PRR3: variants seen among roughly 807,000 people sequenced by gnomAD.
PRR3 encodes proline-rich protein 3.
PRR3 carries 16 observed loss-of-function variants against 22.4 expected under a neutral mutation model. The observed-to-expected ratio is 0.71, with a 90% CI of 0.48 to 1.09. The LOEUF is 1.09. Ranked by LOEUF, PRR3 falls within the 50% of genes least tolerant of loss-of-function variation. PRR3 has a pLI of 0.00. For synonymous variants in PRR3, 87 were observed against 88.6 expected (o/e 0.98, Z 0.10); for missense variants, 224 against 243.4 (o/e 0.92, Z 0.53).
chr6:30,561,480 A>G lies in PRR3; in HGVS notation c.170-354A>G. 1 of 532,984 alleles carries G rather than the reference A, an allele frequency of 1.9e-6. No individual in the cohort carries two copies. The highest frequency in any genetic ancestry group is 1.6e-5 in the South Asian group (1 of 63,784). The allele number at this position is 532,984 out of a possible 1,614,324, so 33.0% of individuals were successfully genotyped here. On this transcript the variant is annotated intron_variant, in intron 2 of 3. Transcript: ENST00000376560. The surrounding 1 kb of genome is among the most constrained non-coding windows in gnomAD (Gnocchi z 4.0). ...ATCTCACAAACATGATGTTGAGCGA[A>G]AGGAGCCAGACATAAAAGAATGCAG...
chr6:30,558,218 G>A lies in PRR3; in HGVS notation c.169+6G>A, dbSNP rs576870939. On this transcript the variant is annotated splice_donor_region_variant and intron_variant, in intron 2 of 3. Coordinates refer to ENST00000376560, the MANE Select transcript of PRR3 (RefSeq NM_025263.4). The stretch of plus-strand genomic sequence containing the variant: ...ACCTGGCGACCCTAAGTCAGGTGAG[G>A]AGGAAGGGGCCCTGATCCTTGTATT... The A allele has an allele frequency of 8.1e-6, 13 of 1,612,534 alleles. No individual in the cohort carries two copies. In the East Asian group the frequency reaches 1.1e-4, roughly 14 times the overall value.
intron 3 of PRR3, 117 bp from the exon 4 acceptor site, chr6:30,562,272 A>G: frequency 8.6e-7 from 1 of 1,162,038 alleles, no homozygotes; most frequent in South Asian, 1.5e-5. Flanking sequence ...TACCATTCCA[A>G]AATACCTGGA....
At chr6:30,562,210 T>C (rs1285497240) in intron 3 of PRR3, 86 bp downstream of exon 3, 1 of 1,448,202 alleles carries the variant, frequency 6.9e-7, no homozygotes, top group South Asian at 1.4e-5. Flanking sequence ...GCTTTCCTTT[T>C]TGCTTTTGAA....
At position 30,562,673 on chromosome 6, in the gene PRR3, G is replaced by A. The variant is rs1305288389; in HGVS notation, c.*178G>A. 3.1e-5 allele frequency: 17 copies of A among 544,318 alleles called. No individual in the cohort carries two copies. Among genetic ancestry groups the A allele is most frequent in the East Asian group, 9.0e-5 (3 of 33,432 alleles). 33.7% of individuals were successfully genotyped at this position (544,318 alleles called of 1,614,324 possible). ...CAGAGTGGTGTTGCATCACTGGTGC[G>A]CGGCATACGCGCTTTCTTCTGATCC... On this transcript the variant is annotated 3_prime_UTR_variant, in exon 4 of 4. Coordinates refer to ENST00000376560, the MANE Select transcript of PRR3 (RefSeq NM_025263.4).
intron 2 of PRR3, among the ~76,000 whole-genome samples, chr6:30,559,854 T>A (rs1271510898): frequency 6.6e-6 from 1 of 150,722 alleles, no homozygotes; most frequent in Non-Finnish European, 1.5e-5. Context: ...ATTTGCAGAC[T>A]CATGTTCATA....
At position 30,562,768 on chromosome 6, in the gene PRR3, G is replaced by A. The variant is rs542358163; in HGVS notation, c.*273G>A. 4.0e-5 allele frequency: 14 copies of A among 352,666 alleles called. No homozygotes were observed. Among genetic ancestry groups the A allele is most frequent in the South Asian group, 7.7e-5 (1 of 12,910 alleles). 21.8% of individuals were successfully genotyped at this position (352,666 alleles called of 1,614,324 possible). A position where few individuals can be genotyped will look rare whatever the true frequency, so the allele number is the denominator to read the frequency against. On this transcript the variant is annotated 3_prime_UTR_variant, in exon 4 of 4. Transcript: ENST00000376560. Reference sequence around the variant, plus strand: ...AGTTGCCTCCTGGATCTTCTTTCCCGTCATCAAATGACTGCTGAACAGGAA... The same window carrying A: ...AGTTGCCTCCTGGATCTTCTTTCCCATCATCAAATGACTGCTGAACAGGAA...
chr6:30,562,269 C>A, intron 3 of PRR3, 120 bp from the exon 4 acceptor site: 1 of 1,174,876 alleles, frequency 8.5e-7, no homozygotes, highest in Non-Finnish European at 1.2e-6. Flanking sequence ...GACTACCATT[C>A]CAAAATACCT....
upstream of PRR3, chr6:30,556,811 G>A: frequency 4.0e-6 from 2 of 499,908 alleles, no homozygotes; most frequent in Non-Finnish European, 7.2e-6. The surrounding 1 kb of genome is among the most constrained non-coding windows in gnomAD (Gnocchi z 5.7). Flanking sequence ...GACCTGTTGG[G>A]ACCCAAATTC....
At chr6:30,558,433 C>T in intron 2 of PRR3, 2 of 557,230 alleles carry the variant, frequency 3.6e-6, no homozygotes, top group Non-Finnish European at 6.5e-6. Flanking sequence ...TCAGAACACC[C>T]ATAATGTTTT....
Position 30,557,338 on chromosome 6 carries a change from A to G in PRR3, c.-7A>G, listed in dbSNP as rs1377332865. On this transcript the variant is annotated 5_prime_UTR_variant, in exon 1 of 4. Coordinates refer to ENST00000376560, the MANE Select transcript of PRR3 (RefSeq NM_025263.4). ...CAAATCCCGCTGCAGCCATTGCCGCAGACACGATGCCGAAACGAAAGAAGC... is the reference window on the plus strand; with the variant it reads ...CAAATCCCGCTGCAGCCATTGCCGCGGACACGATGCCGAAACGAAAGAAGC... 1 of 1,610,210 alleles carries G rather than the reference A, an allele frequency of 6.2e-7. No individual in the cohort carries two copies. The highest frequency in any genetic ancestry group is 8.5e-7 in the Non-Finnish European group (1 of 1,178,354).
At chr6:30,560,995 A>G (rs1322633390) in intron 2 of PRR3, 6 of 175,708 alleles carry the variant, frequency 3.4e-5, no homozygotes, top group Non-Finnish European at 7.2e-5. Flanking sequence ...CAAGAGTTCA[A>G]GACCAGCCTG....
chr6:30,557,012 C>G (rs749167596), upstream of PRR3: 1 of 686,192 alleles, frequency 1.5e-6, no homozygotes, highest in Non-Finnish European at 2.7e-6. Flanking sequence ...TTCTCAGGCC[C>G]TCTGGCCCGA....
At chr6:30,558,614 C>T (rs533121375) in intron 2 of PRR3, among the ~76,000 whole-genome samples, 1 of 152,078 alleles carries the variant, frequency 6.6e-6, no homozygotes, top group South Asian at 2.1e-4. Context: ...CCTTTGAGCC[C>T]AGGAGTTTTT....
intron 3 of PRR3, 49 bp from the exon 4 acceptor site, chr6:30,562,340 T>C: frequency 1.4e-6 from 2 of 1,434,266 alleles, no homozygotes; most frequent in Non-Finnish European, 2.0e-6. Flanking sequence ...TTGTATTTGT[T>C]TTCTTTGTTG....
At chr6:30,557,285 C>T, upstream of PRR3, 1 of 1,313,146 alleles carries the variant, frequency 7.6e-7, no homozygotes, top group Non-Finnish European at 1.1e-6. Flanking sequence ...GAAACAGAAT[C>T]CCCGCGTGCC....
rs779931336 is a variant in PRR3 at position 30,561,904 on chromosome 6, T to C, written c.240T>C (p.Pro80=). The C allele has an allele frequency of 3.1e-6, 5 of 1,611,574 alleles. No homozygotes were observed. Among genetic ancestry groups the C allele is most frequent in the African/African-American group, 1.3e-5 (1 of 74,892 alleles). ...IPPLLSLPPP[P]WGRGPIRRGL... is the part of the protein sequence containing the mutation. ...CACTGCTGAGTCTCCCACCTCCTCC[T>C]TGGGGTAGAGGCCCAATTCGGAGAG... is the stretch of plus-strand genomic sequence containing the variant. The change falls in exon 3 of 4, where the codon CCT becomes CCC. Residue 80 remains proline, a synonymous_variant. Transcript: ENST00000376560. This position sits in a 1 kb window ranked among gnomAD's most constrained non-coding sequence, Gnocchi z 4.0.
At chr6:30,558,034 T>C in intron 1 of PRR3, 116 bp from the exon 2 acceptor site, 1 of 888,698 alleles carries the variant, frequency 1.1e-6, no homozygotes, top group Non-Finnish European at 1.8e-6. Flanking sequence ...CTGCTGAAAA[T>C]ATACCTGACT....
intron 1 of PRR3, 67 bp downstream of exon 1, chr6:30,557,517 T>C (rs926987158): frequency 1.6e-5 from 19 of 1,154,694 alleles, no homozygotes; most frequent in Non-Finnish European, 2.1e-5. Context: ...TAGGGGCTAA[T>C]AAGGTGCGAA....
intron 2 of PRR3, chr6:30,560,506 C>T (rs1445676013): frequency 2.0e-5 from 3 of 150,438 alleles, no homozygotes; most frequent in Middle Eastern, 3.5e-3. Flanking sequence ...TTTTGGAGGT[C>T]GGGCATGGTG....
Sources: allele counts gnomAD v4.1 joint callset (sites outside exome capture counted in the v4.1 genomes callset), GRCh38; gene constraint gnomAD v4.1.1; non-coding constraint Gnocchi (gnomAD v3.1); transcripts MANE v1.5; gene names NCBI Gene and HGNC (gene_info 2026-07-23, HGNC 2026-07-21).